The following LAMB4 variants were observed in gnomAD, a reference collection of about 807,000 sequenced individuals.
LAMB4 encodes the protein laminin subunit beta 4, also known as laminin subunit beta-4.
A neutral mutation model predicts 199.2 loss-of-function variants in LAMB4; 196 were observed. That is an observed-to-expected ratio of 0.98 (90% CI 0.88 to 1.11). LAMB4 has a LOEUF of 1.11. Among genes scored for constraint, LAMB4 ranks in the 50% least tolerant of loss-of-function variants. LAMB4 has a pLI of 0.00. For synonymous variants in LAMB4, 744 were observed against 770.6 expected (o/e 0.97, Z 0.57); for missense variants, 2,080 against 2,171.2 (o/e 0.96, Z 0.83).
chr7:108,047,292 G>A (rs1430819487), intron 28 of LAMB4, among the ~76,000 whole-genome samples: 2 of 151,856 alleles, frequency 1.3e-5, no homozygotes, highest in African/African-American at 4.8e-5. Flanking sequence ...GAGTGTGCCT[G>A]CCTCTTCTGC....
chr7:108,088,720 C>G (rs902680552), intron 14 of LAMB4, among the ~76,000 whole-genome samples: 4 of 152,186 alleles, frequency 2.6e-5, no homozygotes, highest in Non-Finnish European at 4.4e-5. Flanking sequence ...TTGTTCCTGT[C>G]TGGACTAGTG....
At chr7:108,037,064 A>G (rs1307475737) in intron 30 of LAMB4, among the ~76,000 whole-genome samples, 1 of 152,068 alleles carries the variant, frequency 6.6e-6, no homozygotes, top group Non-Finnish European at 1.5e-5. Flanking sequence ...GAAAAACTAT[A>G]CCAATATTCC....
chr7:108,090,105 T>C (rs2150606600), intron 14 of LAMB4, among the ~76,000 whole-genome samples: 1 of 152,296 alleles, frequency 6.6e-6, no homozygotes, highest in East Asian at 1.9e-4. Flanking sequence ...GGATAATAGA[T>C]TATTTGGAGA....
intron 12 of LAMB4, 24 bp downstream of exon 12, chr7:108,095,204 G>A: frequency 5.8e-6 from 9 of 1,544,372 alleles, no homozygotes; most frequent in South Asian, 4.5e-5. Flanking sequence ...CTATAGAAAA[G>A]GGAAACTATA....
At chr7:108,069,431 G>T (rs2036455125) in intron 18 of LAMB4, among the ~76,000 whole-genome samples, 1 of 152,120 alleles carries the variant, frequency 6.6e-6, no homozygotes, top group African/African-American at 2.4e-5. Context: ...AAAGATGTCT[G>T]GAGTTCCTTC....
chr7:108,040,439 C>A (rs187045498), intron 29 of LAMB4, among the ~76,000 whole-genome samples: 15 of 152,278 alleles, frequency 9.9e-5, no homozygotes, highest in African/African-American at 1.4e-4. Flanking sequence ...AAAAAAACAG[C>A]CCGACTAGCC....
chr7:108,052,867 G>C (rs1382026864), intron 25 of LAMB4, among the ~76,000 whole-genome samples: 1 of 152,130 alleles, frequency 6.6e-6, no homozygotes, highest in Non-Finnish European at 1.5e-5. Flanking sequence ...AGCACCTACT[G>C]TTACTTCGAG....
rs376432457 is a variant in LAMB4 at position 108,028,501 on chromosome 7, G to C, written c.5146+542C>G. 4.7e-3 allele frequency among the ~76,000 whole-genome samples: 659 copies of C among 141,444 alleles called. 15 individuals are homozygous for C. Among genetic ancestry groups the C allele is most frequent in the East Asian group, 0.029 (140 of 4,858 alleles). The allele number at this position is 141,444 out of a possible 152,430, so 92.8% of individuals were successfully genotyped here. On this transcript the variant is annotated intron_variant, in intron 33 of 33. Transcript: ENST00000388781. Reference sequence around the variant, plus strand: ...TTTTTTTTTTTTTTTTTTTGAGATGGAGTCTCACTCTGTCACCCAGGCTGG... The same window carrying C: ...TTTTTTTTTTTTTTTTTTTGAGATGCAGTCTCACTCTGTCACCCAGGCTGG...
Position 108,063,861 on chromosome 7 carries a change from T to TA in LAMB4, c.2960dup (p.Thr988AsnfsTer57), listed in dbSNP as rs2036248305. ...GCAAACATCGAAGGCACTCCCCTGT[T>TA]ACCCGGCTGCAGGACTCTGGATCGG... is the stretch of plus-strand genomic sequence containing the variant. On this transcript the variant is annotated frameshift_variant, in exon 22 of 34. Transcript: ENST00000388781. LOFTEE classifies it high-confidence loss of function. The TA allele has an allele frequency of 6.2e-7, 1 of 1,614,118 alleles. No individual in the cohort carries two copies. Among genetic ancestry groups the TA allele is most frequent in the African/African-American group, 1.3e-5 (1 of 74,952 alleles).
intron 3 of LAMB4, among the ~76,000 whole-genome samples, chr7:108,112,678 T>A (rs1330859047): frequency 6.6e-6 from 1 of 152,224 alleles, no homozygotes; most frequent in African/African-American, 2.4e-5. Context: ...GCAGCTATAC[T>A]TGAAACTCCT....
Position 108,105,987 on chromosome 7 carries a change from G to A in LAMB4, c.700C>T (p.His234Tyr), listed in dbSNP as rs2074749. The change falls in exon 8 of 34, where the codon CAC becomes TAC. Residue 234 changes from histidine (H) to tyrosine (Y), a missense_variant. Transcript: ENST00000388781. ...CCAAGCAAAGCATCCCCAAGGGTGT[G>A]GAGCTTGGTAAAGTTTATCCTCAGG... ...TNLRINFTKLHTLGDALLGRR... is the reference protein window; with the variant it reads ...TNLRINFTKLYTLGDALLGRR... 0.015 allele frequency: 24,527 copies of A among 1,613,968 alleles called. 753 individuals carry two copies. Among genetic ancestry groups the A allele is most frequent in the East Asian group, 0.11 (4,715 of 44,862 alleles).
At chr7:108,027,934 C>T (rs2034893962) in intron 33 of LAMB4, among the ~76,000 whole-genome samples, 1 of 152,168 alleles carries the variant, frequency 6.6e-6, no homozygotes, top group Admixed American at 6.5e-5. Context: ...AGGCATGTGC[C>T]ACCACGCCTG....
chr7:108,026,908 A>G (rs1192652991), intron 33 of LAMB4: 1 of 517,858 alleles, frequency 1.9e-6, no homozygotes, highest in South Asian at 1.4e-5. Flanking sequence ...CTGAGTTCTG[A>G]AAACAGCCTC....
chr7:108,124,675 C>A (rs1285365494), intron 1 of LAMB4, among the ~76,000 whole-genome samples: 1 of 146,972 alleles, frequency 6.8e-6, no homozygotes, highest in Non-Finnish European at 1.5e-5. Flanking sequence ...AAAAAAAAAA[C>A]AACCTCATTA....
Position 108,116,070 on chromosome 7 carries a change from C to T in LAMB4, c.126G>A (p.Gln42=), listed in dbSNP as rs146820330. 5.6e-5 allele frequency: 90 copies of T among 1,614,070 alleles called. No homozygotes were observed. In the African/African-American group the frequency reaches 1.0e-3, roughly 18 times the overall value. Residue 42 remains glutamine, a synonymous_variant, in exon 3 of 34, where the codon CAG becomes CAA. Transcript: ENST00000388781. ...TGDLLVGRNT[Q]LMASSTCGLS... ...GCCCACAGGTAGAAGAAGCCATAAG[C>T]TGCGTGTTCCTGCCCACCAGGAGAT...
intron 19 of LAMB4, 109 bp downstream of exon 19, chr7:108,067,907 G>A: frequency 7.6e-7 from 1 of 1,314,552 alleles, no homozygotes; most frequent in South Asian, 1.3e-5. Context: ...GAATAATGTA[G>A]TCAGGTTTCC....
At position 108,055,982 on chromosome 7, in the gene LAMB4, G is replaced by A. The variant is rs1276759670; in HGVS notation, c.3405C>T (p.Thr1135=). 1.2e-6 allele frequency: 2 copies of A among 1,613,590 alleles called. No homozygotes were observed. Among genetic ancestry groups the A allele is most frequent in the Non-Finnish European group, 1.7e-6 (2 of 1,179,684 alleles). Residue 1135 remains threonine (T), a synonymous_variant, in exon 25 of 34, where the codon ACC becomes ACT. Transcript: ENST00000388781. The part of the protein sequence containing the change: ...CIPCDCNRAG[T]QKPICDPDTG... ...TGTCTGGATCACAGATGGGCTTCTGGGTACCTGCCCTGTTACAATCACATG... is the reference window on the plus strand; with the variant it reads ...TGTCTGGATCACAGATGGGCTTCTGAGTACCTGCCCTGTTACAATCACATG...
chr7:108,031,617 A>AT (rs995775235), intron 31 of LAMB4, among the ~76,000 whole-genome samples: 3 of 151,656 alleles, frequency 2.0e-5, no homozygotes, highest in Non-Finnish European at 4.4e-5. Context: ...TAGTATTAAA[A>AT]TTTTTTTTCA....
In LAMB4 at chr7:108,111,901, G is replaced by A. The variant is rs939470004; in HGVS notation, c.238C>T (p.Pro80Ser). The A allele has an allele frequency of 1.6e-5, 26 of 1,610,990 alleles. No individual in the cohort carries two copies. The highest frequency in any genetic ancestry group is 2.0e-5 in the Non-Finnish European group (23 of 1,178,540). Residue 80 changes from proline to serine, a missense_variant, in exon 4 of 34, where the codon CCG becomes TCG. Coordinates refer to ENST00000388781, the MANE Select transcript of LAMB4 (RefSeq NM_007356.3). ...GTGTGGCTGTTGGGTTGGTCATACG[G>A]ATCATATGGAAATCTAGAGTCACAG... is the stretch of plus-strand genomic sequence containing the variant. Reference protein sequence around the residue: ...FICDSRFPYDPYDQPNSHTIE... With the variant: ...FICDSRFPYDSYDQPNSHTIE...
Sources: gnomAD v4.1 joint callset for allele counts (sites outside exome capture counted in the v4.1 genomes callset) on GRCh38, gnomAD v4.1.1 for gene constraint, MANE v1.5 for transcripts, NCBI Gene and HGNC (gene_info 2026-07-23, HGNC 2026-07-21) for gene names.